Variants in GGA2 observed in about 807,000 individuals in gnomAD.
The protein encoded by GGA2 is golgi associated, gamma adaptin ear containing, ARF binding protein 2.
GGA2 carries 48 observed loss-of-function variants against 79.5 expected under a neutral mutation model. The observed-to-expected ratio is 0.60, with a 90% CI of 0.48 to 0.77. The LOEUF is 0.77. Ranked by LOEUF, GGA2 falls within the 30% of genes least tolerant of loss-of-function variation. The probability of loss-of-function intolerance (pLI) is 0.00; values close to 1 mark genes in which losing one functional copy is unlikely to be tolerated. For synonymous variants in GGA2, 317 were observed against 302.0 expected (o/e 1.05, Z -0.51); for missense variants, 770 against 774.0 (o/e 0.99, Z 0.06).
chr16:23,488,794 T>C (rs1441923188), intron 5 of GGA2, 85 bp from the exon 6 acceptor site: 1 of 754,132 alleles, frequency 1.3e-6, no homozygotes, highest in Non-Finnish European at 2.3e-6. Flanking sequence ...TGGAAACCCC[T>C]GGTTCCTAAT....
At chr16:23,494,214 GA>G in intron 3 of GGA2, 88 bp downstream of exon 3, 1 of 877,980 alleles carries the variant, frequency 1.1e-6, no homozygotes, top group Non-Finnish European at 2.0e-6. Context: ...CTTCTCCAGT[GA>G]AAAGGATCTG....
intron 1 of GGA2, among the ~76,000 whole-genome samples, chr16:23,507,891 G>C (rs946675915): frequency 2.0e-5 from 3 of 151,574 alleles, no homozygotes; most frequent in African/African-American, 4.9e-5. Flanking sequence ...CCAGGAGAGG[G>C]GTAAGCTGCA....
At chr16:23,485,216 C>A (rs1964697049) in intron 8 of GGA2, among the ~76,000 whole-genome samples, 1 of 152,076 alleles carries the variant, frequency 6.6e-6, no homozygotes, top group Admixed American at 6.6e-5. Context: ...TTAGTGGTTG[C>A]CAGGGACTGG....
rs559807495 is a variant in GGA2, at chr16:23,510,084, G to A, written c.91+237C>T. ...GGGGTCCTGTGCTGCTGCTAAGTTG[G>A]GGGGTGGGCGGAGGGGGAGGGGCAG... On this transcript the variant is annotated intron_variant, in intron 1 of 16. Coordinates refer to ENST00000309859, the MANE Select transcript of GGA2 (RefSeq NM_015044.4). Among the ~76,000 whole-genome samples, 4 of 149,940 alleles carry A rather than the reference G, an allele frequency of 2.7e-5. No individual in the cohort carries two copies. The South Asian group carries it at 8.6e-4, about 32-fold the overall frequency.
chr16:23,494,793 C>A (rs1395202348), intron 2 of GGA2, among the ~76,000 whole-genome samples: 1 of 152,236 alleles, frequency 6.6e-6, no homozygotes. Flanking sequence ...GATTAAACAT[C>A]TGGATGGGCC....
Position 23,467,025 on chromosome 16 carries a change from C to T in GGA2, c.*565G>A, listed in dbSNP as rs1396008666. The T allele has an allele frequency of 6.4e-6, 1 of 155,156 alleles. No homozygotes were observed. Among genetic ancestry groups the T allele is most frequent in the Non-Finnish European group, 1.4e-5 (1 of 69,720 alleles). The allele number at this position is 155,156 out of a possible 1,614,324, so 9.6% of individuals were successfully genotyped here. On this transcript the variant is annotated 3_prime_UTR_variant, in exon 17 of 17. Coordinates refer to ENST00000309859, the MANE Select transcript of GGA2 (RefSeq NM_015044.4). Reference sequence around the variant, plus strand: ...GCAACAAGCATTCCATTTAGAAGATCTTCCAGAACACACACAAGAAGCATT... The same window carrying T: ...GCAACAAGCATTCCATTTAGAAGATTTTCCAGAACACACACAAGAAGCATT...
chr16:23,474,107 T>A (rs1964547760), intron 14 of GGA2, among the ~76,000 whole-genome samples: 1 of 152,150 alleles, frequency 6.6e-6, no homozygotes, highest in Admixed American at 6.5e-5. Context: ...TTAACAGAGA[T>A]AATATCCACT....
chr16:23,499,440 G>A (rs943091151), intron 1 of GGA2, among the ~76,000 whole-genome samples: 7 of 151,852 alleles, frequency 4.6e-5, no homozygotes, highest in South Asian at 2.1e-4. Context: ...TACCACACCC[G>A]GCCGGCACCA....
intron 1 of GGA2, among the ~76,000 whole-genome samples, chr16:23,496,549 A>G (rs1964858080): frequency 2.0e-5 from 3 of 152,150 alleles, no homozygotes; most frequent in Admixed American, 1.3e-4. Context: ...CAGTGGCAGC[A>G]TGGTGGCTCA....
intron 2 of GGA2, 144 bp downstream of exon 2, chr16:23,495,550 G>T (rs1336431365): frequency 4.5e-6 from 2 of 447,146 alleles, no homozygotes; most frequent in Non-Finnish European, 8.0e-6. Flanking sequence ...TCCTGCCTTG[G>T]TCTCCCAAAC....
At chr16:23,469,941 A>G in intron 15 of GGA2, 55 bp downstream of exon 15, 1 of 1,304,544 alleles carries the variant, frequency 7.7e-7, no homozygotes, top group Non-Finnish European at 1.0e-6. Context: ...CCAGAAAAGA[A>G]CCTGGCACTC....
chr16:23,477,649 A>C (rs1454343330), intron 13 of GGA2, among the ~76,000 whole-genome samples: 5 of 152,300 alleles, frequency 3.3e-5, no homozygotes. Context: ...CAGGAGGCTG[A>C]GGCAAAAGAA....
intron 1 of GGA2, chr16:23,521,651 T>G (rs962340232): frequency 4.5e-6 from 2 of 441,718 alleles, no homozygotes; most frequent in Non-Finnish European, 9.2e-6. Flanking sequence ...CCTACCACCT[T>G]TGCCTCACAA....
Position 23,491,677 on chromosome 16 carries a change from CTT to C in GGA2, c.473_474del (p.Gln158ArgfsTer8), listed in dbSNP as rs1451289264. The C allele has an allele frequency of 6.2e-7, 1 of 1,612,974 alleles. No homozygotes were observed. On this transcript the variant is annotated frameshift_variant and splice_region_variant, in exon 5 of 17. Transcript: ENST00000309859. LOFTEE classifies it high-confidence loss of function. ...IRDAYQMLKKQGIIKQDPKLP... is the reference protein window; with the variant it reads ...IRDAYQMLKKXGIIKQDPKLP... ...TAAGACACAGTAAGGCAAGTCAGAC[CTT>C]GTTTCTTCAGCATCTGATAAGCGTC...
In GGA2 at chr16:23,465,649, G is replaced by A. The variant is rs1373764322; in HGVS notation, c.*1941C>T. 7 of 512,072 alleles carry A rather than the reference G, an allele frequency of 1.4e-5. No homozygotes were observed. Among genetic ancestry groups the A allele is most frequent in the Non-Finnish European group, 2.4e-5 (7 of 287,888 alleles). 31.7% of individuals were successfully genotyped at this position (512,072 alleles called of 1,614,324 possible). On this transcript the variant is annotated 3_prime_UTR_variant, in exon 17 of 17. Coordinates refer to ENST00000309859, the MANE Select transcript of GGA2 (RefSeq NM_015044.4). The stretch of plus-strand genomic sequence containing the variant: ...CGCAACAGTAACAGAGCCTATAAAA[G>A]CTACACAGAGGCCGGGTGCGGTGGC...
chr16:23,479,494 C>T (rs986406617), intron 11 of GGA2, among the ~76,000 whole-genome samples: 4 of 147,694 alleles, frequency 2.7e-5, no homozygotes, highest in Non-Finnish European at 4.5e-5. Flanking sequence ...ACGTGTTCTC[C>T]GAGGGTCCAG....
chr16:23,524,131 G>A, upstream of GGA2: 1 of 569,906 alleles, frequency 1.8e-6, no homozygotes, highest in East Asian at 2.9e-5. Context: ...TGAGAAACCA[G>A]ACCCGGAGAA....
chr16:23,486,959 T>A (rs887563943), intron 6 of GGA2, among the ~76,000 whole-genome samples, 169 bp from the exon 7 acceptor site: 9 of 150,328 alleles, frequency 6.0e-5, no homozygotes, highest in Non-Finnish European at 1.2e-4. Context: ...ACTATCCCAA[T>A]ACACCACTGG....
chr16:23,521,969 C>T (rs1462512178), exon 1 of GGA2: 3 of 372,562 alleles, frequency 8.1e-6, no homozygotes, highest in African/African-American at 6.4e-5. Context: ...TTTTCAGAAC[C>T]TCGGTTTCCA....
Sources: allele counts gnomAD v4.1 joint callset (sites outside exome capture counted in the v4.1 genomes callset), GRCh38; gene constraint gnomAD v4.1.1; transcripts MANE v1.5; gene names NCBI Gene and HGNC (gene_info 2026-07-23, HGNC 2026-07-21).